Variants in P2RY11 observed in about 807,000 individuals in gnomAD.
P2RY11 encodes P2Y purinoceptor 11.
P2RY11 carries 3 observed loss-of-function variants against 2.4 expected under a neutral mutation model. The observed-to-expected ratio is 1.22, with a 90% CI of 0.56 to 3.17. The LOEUF (loss-of-function observed/expected upper bound fraction) is 3.17, where lower values mean the gene tolerates loss of function less well. Ranked by LOEUF, P2RY11 falls within the 30% of genes most tolerant of loss-of-function variation. The probability of loss-of-function intolerance (pLI) is 0.03; values close to 1 mark genes in which losing one functional copy is unlikely to be tolerated. For synonymous variants in P2RY11, 307 were observed against 237.3 expected, an observed-to-expected ratio of 1.29 and a Z score of -2.70; for missense variants, 670 against 528.2, an observed-to-expected ratio of 1.27 and a Z score of -2.63.
In P2RY11 at chr19:10,115,180, C is replaced by G; in HGVS notation, c.*442C>G. ...TAAGACTTCTGGGGGCACCCCAAGA[C>G]CCCAGACACCCAAGTGGCATCTTGG... On this transcript the variant is annotated 3_prime_UTR_variant, in exon 2 of 2. Coordinates refer to ENST00000321826, the MANE Select transcript of P2RY11 (RefSeq NM_002566.5). The G allele has an allele frequency of 6.2e-7, 1 of 1,607,010 alleles. No individual in the cohort carries two copies. The highest frequency in any genetic ancestry group is 8.5e-7 in the Non-Finnish European group (1 of 1,176,672).
rs75945356 is a variant in P2RY11, at chr19:10,114,395, A to T, written c.782A>T (p.Tyr261Phe). The T allele has an allele frequency of 1.9e-6, 3 of 1,609,792 alleles. No individual in the cohort carries two copies. Among genetic ancestry groups the T allele is most frequent in the South Asian group, 2.2e-5 (2 of 91,086 alleles). ...GGTGTGGCCCTCTACGCCAGCTCCT[A>T]TGTGCCCTACCACATCATGCGGGTG... ...ASGVALYASS[Y>F]VPYHIMRVLN... Residue 261 changes from tyrosine to phenylalanine, a missense_variant, in exon 2 of 2, where the codon TAT (tyrosine) becomes TTT (phenylalanine). Tyr to Phe is a conservative substitution (Grantham distance 22, BLOSUM62 3). Coordinates refer to ENST00000321826, the MANE Select transcript of P2RY11 (RefSeq NM_002566.5).
At position 10,115,111 on chromosome 19, in the gene P2RY11, G is replaced by A. The variant is rs1321775390; in HGVS notation, c.*373G>A. On this transcript the variant is annotated 3_prime_UTR_variant, in exon 2 of 2. Transcript: ENST00000321826. ...CCGGACCGAGTACACAGTGGCAGCT[G>A]GCTTAGTTGGTGGACGGCCTGGGGT... 6.2e-7 allele frequency: 1 copy of A among 1,614,060 alleles called. No individual in the cohort carries two copies. The highest frequency in any genetic ancestry group is 1.1e-5 in the South Asian group (1 of 91,014).
At position 10,115,175 on chromosome 19, in the gene P2RY11, C is replaced by G. The variant is rs373314436; in HGVS notation, c.*437C>G. ...AGGTATAAGACTTCTGGGGGCACCC[C>G]AAGACCCCAGACACCCAAGTGGCAT... On this transcript the variant is annotated 3_prime_UTR_variant, in exon 2 of 2. Coordinates refer to ENST00000321826, the MANE Select transcript of P2RY11 (RefSeq NM_002566.5). The G allele has an allele frequency of 1.6e-5, 26 of 1,608,912 alleles. No homozygotes were observed. Among genetic ancestry groups the G allele is most frequent in the Non-Finnish European group, 2.2e-5 (26 of 1,177,654 alleles).
rs1030628562 is a variant in P2RY11, at chr19:10,112,606, G to A, written c.19+866G>A. Among the ~76,000 whole-genome samples, 7 of 152,118 alleles carry A rather than the reference G, an allele frequency of 4.6e-5. 1 individual carries two copies. The South Asian group carries it at 1.2e-3, about 27-fold the overall frequency. On this transcript the variant is annotated intron_variant, in intron 1 of 1. Coordinates refer to ENST00000321826, the MANE Select transcript of P2RY11 (RefSeq NM_002566.5). The stretch of plus-strand genomic sequence containing the variant: ...GGTTAGGGTGGCCTTGGGGCCTCTC[G>A]CAGGCAGGACCACGGACGTGGGAAG...
chr19:10,113,744 C>G lies in P2RY11; in HGVS notation c.131C>G (p.Ala44Gly), dbSNP rs761921516. The G allele has an allele frequency of 1.9e-6, 3 of 1,613,980 alleles. No individual in the cohort carries two copies. The highest frequency in any genetic ancestry group is 2.5e-6 in the Non-Finnish European group (3 of 1,179,930). ...GTGGTTGAGTTCCTGGTGGCCGTGG[C>G]CAGCAATGGCCTGGCCCTGTACCGC... ...ILVVEFLVAV[A>G]SNGLALYRFS... Residue 44 changes from alanine (A) to glycine (G), a missense_variant, in exon 2 of 2, where the codon GCC becomes GGC. Physicochemically the swap from Ala to Gly is moderately conservative, Grantham distance 60. Transcript: ENST00000321826.
chr19:10,113,552 A>G (rs2089164324), intron 1 of P2RY11, 81 bp from the exon 2 acceptor site: 2 of 1,527,616 alleles, frequency 1.3e-6, no homozygotes, highest in Non-Finnish European at 8.8e-7. Context: ...GATCCACGCC[A>G]TGGCAGACGT....
Position 10,115,272 on chromosome 19 carries a change from C to A in P2RY11, c.*534C>A. The A allele has an allele frequency of 8.3e-7, 1 of 1,209,450 alleles. No individual in the cohort carries two copies. Among genetic ancestry groups the A allele is most frequent in the South Asian group, 1.5e-5 (1 of 66,024 alleles). The allele number at this position is 1,209,450 out of a possible 1,614,324, so 74.9% of individuals were successfully genotyped here. A position where few individuals can be genotyped will look rare whatever the true frequency, so the allele number is the denominator to read the frequency against. ...GGCACGGAGCCAGATGGCCAGTCTCCAGGCCTGGTCCACGGACTGGCAGGG... is the reference window on the plus strand; with the variant it reads ...GGCACGGAGCCAGATGGCCAGTCTCAAGGCCTGGTCCACGGACTGGCAGGG... On this transcript the variant is annotated 3_prime_UTR_variant, in exon 2 of 2. Transcript: ENST00000321826.
intron 1 of P2RY11, 109 bp downstream of exon 1, chr19:10,111,849 C>G: frequency 4.6e-6 from 6 of 1,303,524 alleles, no homozygotes; most frequent in Non-Finnish European, 6.5e-6. Flanking sequence ...CGGTGGCTCA[C>G]GCCTGTAATC....
In P2RY11 at chr19:10,114,117, C is replaced by G; in HGVS notation, c.504C>G (p.Ser168=). The G allele has an allele frequency of 6.2e-7, 1 of 1,601,072 alleles. No homozygotes were observed. The highest frequency in any genetic ancestry group is 8.5e-7 in the Non-Finnish European group (1 of 1,179,660). The change falls in exon 2 of 2, where the codon TCC becomes TCG. Residue 168 remains serine (S), a synonymous_variant. Coordinates refer to ENST00000321826, the MANE Select transcript of P2RY11 (RefSeq NM_002566.5). ...TGGCCATGCCCACACTCAGCTTCTC[C>G]CACCTGAAGAGGCCGCAGCAGGGGG... ...ALLAMPTLSF[S]HLKRPQQGAG... is the part of the protein sequence containing the mutation.
rs774061799 is a variant in P2RY11, at chr19:10,114,747, A to T, written c.*9A>T. On this transcript the variant is annotated 3_prime_UTR_variant, in exon 2 of 2. Coordinates refer to ENST00000321826, the MANE Select transcript of P2RY11 (RefSeq NM_002566.5). Reference sequence around the variant, plus strand: ...GTGAGCTGAGCCAATGATGTGGCCTAGCGGAAGCTGCCTCCTCACCCTAGG... The same window carrying T: ...GTGAGCTGAGCCAATGATGTGGCCTTGCGGAAGCTGCCTCCTCACCCTAGG... The T allele has an allele frequency of 4.4e-6, 7 of 1,589,900 alleles. No individual in the cohort carries two copies. The African/African-American group carries it at 6.7e-5, about 15-fold the overall frequency.
rs1289312777 is a variant in P2RY11, at chr19:10,113,969, T to TC, written c.357dup (p.Ile120HisfsTer87). 1 of 1,601,768 alleles carries TC rather than the reference T, an allele frequency of 6.2e-7. No homozygotes were observed. Among genetic ancestry groups the TC allele is most frequent in the South Asian group, 1.1e-5 (1 of 91,086 alleles). The stretch of plus-strand genomic sequence containing the variant: ...TGCAACCTGCTGGGCAGCGTCATCT[T>TC]CATCACCTGCATCAGCCTCAACCGC... On this transcript the variant is annotated frameshift_variant, in exon 2 of 2. Transcript: ENST00000321826. LOFTEE classifies it low-confidence loss of function (END_TRUNC).
At position 10,115,163 on chromosome 19, in the gene P2RY11, C is replaced by A. The variant is rs1381664924; in HGVS notation, c.*425C>A. The A allele has an allele frequency of 2.5e-6, 4 of 1,612,222 alleles. No homozygotes were observed. The East Asian group carries it at 6.7e-5, about 27-fold the overall frequency. ...GGGGAGGGTGGCAGGTATAAGACTT[C>A]TGGGGGCACCCCAAGACCCCAGACA... On this transcript the variant is annotated 3_prime_UTR_variant, in exon 2 of 2. Coordinates refer to ENST00000321826, the MANE Select transcript of P2RY11 (RefSeq NM_002566.5).
At chr19:10,112,624 G>T (rs1434216520) in intron 1 of P2RY11, among the ~76,000 whole-genome samples, 2 of 152,182 alleles carry the variant, frequency 1.3e-5, no homozygotes, top group Non-Finnish European at 2.9e-5. Flanking sequence ...GACCACGGAC[G>T]TGGGAAGAGG....
At chr19:10,113,485 A>T in intron 1 of P2RY11, 148 bp from the exon 2 acceptor site, 1 of 1,227,014 alleles carries the variant, frequency 8.1e-7, no homozygotes, top group Non-Finnish European at 1.1e-6. Context: ...AATCCTGTCC[A>T]CATAAAGGAG....
chr19:10,115,354 G>C lies in P2RY11; in HGVS notation c.*616G>C. On this transcript the variant is annotated 3_prime_UTR_variant, in exon 2 of 2. Transcript: ENST00000321826. ...CCGGTTTTGGAAAAAAACAATAAAGGACTGTCCCCTCAAAACCAGCCGGGG... is the reference window on the plus strand; with the variant it reads ...CCGGTTTTGGAAAAAAACAATAAAGCACTGTCCCCTCAAAACCAGCCGGGG... 8.2e-7 allele frequency: 1 copy of C among 1,220,712 alleles called. No homozygotes were observed. Among genetic ancestry groups the C allele is most frequent in the Non-Finnish European group, 1.1e-6 (1 of 877,278 alleles). 75.6% of individuals were successfully genotyped at this position (1,220,712 alleles called of 1,614,324 possible).
In P2RY11 at chr19:10,114,275, C is replaced by T. The variant is rs763301216; in HGVS notation, c.662C>T (p.Thr221Met). ...GLGCGLPLLLTLAAYGALGRA... is the reference protein window; with the variant it reads ...GLGCGLPLLLMLAAYGALGRA... ...GGCTGCGGCCTGCCGCTGCTGCTCA[C>T]GCTGGCAGCCTACGGCGCCCTCGGG... Residue 221 changes from threonine (T) to methionine (M), a missense_variant, in exon 2 of 2, where the codon ACG becomes ATG. Transcript: ENST00000321826. The T allele has an allele frequency of 1.5e-5, 24 of 1,598,152 alleles. No individual in the cohort carries two copies. The highest frequency in any genetic ancestry group is 1.3e-5 in the African/African-American group (1 of 74,868).
intron 1 of P2RY11, among the ~76,000 whole-genome samples, 154 bp downstream of exon 1, chr19:10,111,894 G>A (rs1465294734): frequency 3.3e-5 from 5 of 152,038 alleles, no homozygotes; most frequent in African/African-American, 1.2e-4. Flanking sequence ...GGTGGAACAC[G>A]AGGTCAGGGG....
In P2RY11 at chr19:10,113,620, C is replaced by A. The variant is rs1458023322; in HGVS notation, c.20-13C>A. ...GGGAATAGGGCTCAGCTGGTGACAC[C>A]TTCTGCCCACAGGTGCCAAGTCCTG... On this transcript the variant is annotated splice_polypyrimidine_tract_variant and intron_variant, in intron 1 of 1. Coordinates refer to ENST00000321826, the MANE Select transcript of P2RY11 (RefSeq NM_002566.5). 2.5e-6 allele frequency: 4 copies of A among 1,602,942 alleles called. No individual in the cohort carries two copies. The highest frequency in any genetic ancestry group is 3.4e-6 in the Non-Finnish European group (4 of 1,171,804).
Position 10,114,471 on chromosome 19 carries a change from A to G in P2RY11, c.858A>G (p.Ala286=). 1 of 1,612,284 alleles carries G rather than the reference A, an allele frequency of 6.2e-7. No homozygotes were observed. The highest frequency in any genetic ancestry group is 1.1e-5 in the South Asian group (1 of 91,064). ...GGAGCACCCGCTGCCCGAGCTTTGCAGACATAGCCCAGGCCACAGCAGCCC... is the reference window on the plus strand; with the variant it reads ...GGAGCACCCGCTGCCCGAGCTTTGCGGACATAGCCCAGGCCACAGCAGCCC... ...RRWSTRCPSF[A]DIAQATAALE... is the part of the protein sequence containing the mutation. The change falls in exon 2 of 2, where the codon GCA becomes GCG. Residue 286 remains alanine (A), a synonymous_variant. Coordinates refer to ENST00000321826, the MANE Select transcript of P2RY11 (RefSeq NM_002566.5).
Sources: gnomAD v4.1 joint callset for allele counts (sites outside exome capture counted in the v4.1 genomes callset) on GRCh38, gnomAD v4.1.1 for gene constraint, MANE v1.5 for transcripts, NCBI Gene and HGNC (gene_info 2026-07-23, HGNC 2026-07-21) for gene names.